The following SLC24A4 variants were observed in gnomAD, a reference collection of about 807,000 sequenced individuals.
The protein encoded by SLC24A4 is solute carrier family 24 member 4, also known as sodium/potassium/calcium exchanger 4.
Under a neutral mutation model 79.0 loss-of-function variants are expected in SLC24A4, and 53 were observed. The ratio of observed to expected loss-of-function variants is 0.67; its 90% confidence interval spans 0.54 to 0.84. The LOEUF (loss-of-function observed/expected upper bound fraction) is 0.84. Among genes scored for constraint, SLC24A4 ranks in the 40% least tolerant of loss-of-function variants. SLC24A4 has a pLI of 0.00. For missense variants in SLC24A4, 731 were observed against 822.0 expected (o/e 0.89, Z 1.35); for synonymous variants, 323 against 323.8 (o/e 1.00, Z 0.03).
chr14:92,352,659 T>A (rs773453502), intron 2 of SLC24A4, among the ~76,000 whole-genome samples: 1 of 152,108 alleles, frequency 6.6e-6, no homozygotes, highest in Non-Finnish European at 1.5e-5. Context: ...AAGCCAGAGG[T>A]GGCCCCCAGA....
At chr14:92,448,569 C>T (rs1471844294) in intron 9 of SLC24A4, among the ~76,000 whole-genome samples, 3 of 152,102 alleles carry the variant, frequency 2.0e-5, no homozygotes, top group African/African-American at 7.2e-5. Flanking sequence ...TAAATGATCT[C>T]CACTCTGAGT....
chr14:92,386,165 C>A (rs548474347), intron 2 of SLC24A4, among the ~76,000 whole-genome samples: 8 of 152,018 alleles, frequency 5.3e-5, no homozygotes, highest in Admixed American at 6.6e-5. Context: ...GTTTTTTTCC[C>A]CTTTCGATAG....
At position 92,323,601 on chromosome 14, in the gene SLC24A4, G is replaced by A; in HGVS notation, c.-230G>A. 1 of 394,890 alleles carries A rather than the reference G, an allele frequency of 2.5e-6. No individual in the cohort carries two copies. Among genetic ancestry groups the A allele is most frequent in the Non-Finnish European group, 4.4e-6 (1 of 227,052 alleles). The allele number at this position is 394,890 out of a possible 1,614,324, so 24.5% of individuals were successfully genotyped here. On this transcript the variant is annotated 5_prime_UTR_variant, in exon 1 of 17. Coordinates refer to ENST00000532405, the MANE Select transcript of SLC24A4 (RefSeq NM_153646.4). The surrounding 1 kb of genome is among the most constrained non-coding windows in gnomAD (Gnocchi z 4.9). ...TCGCCACGGAGCCATGGTGCGCGCA[G>A]CGCGCACGCGGCGCGCGGGACTCTG...
At chr14:92,354,204 T>C (rs1317795511) in intron 2 of SLC24A4, among the ~76,000 whole-genome samples, 2 of 151,800 alleles carry the variant, frequency 1.3e-5, no homozygotes, top group East Asian at 3.9e-4. Context: ...TCTCACTCTG[T>C]CGCCCAGGCT....
intron 12 of SLC24A4, among the ~76,000 whole-genome samples, chr14:92,464,471 A>G (rs999601473): frequency 6.6e-6 from 1 of 152,140 alleles, no homozygotes; most frequent in African/African-American, 2.4e-5. Context: ...AGCCCACCCA[A>G]CAGATCTTCG....
At chr14:92,343,672 CCTTCCTTCCT>C (rs1566700323) in intron 2 of SLC24A4, among the ~76,000 whole-genome samples, 5 of 138,488 alleles carry the variant, frequency 3.6e-5, no homozygotes, top group Non-Finnish European at 7.8e-5. Context: ...TTCCTTCCTT[CCTTCCTTCCT>C]TCCTTCCTTC....
At position 92,398,761 on chromosome 14, in the gene SLC24A4, A is replaced by C. The variant is rs1889925208; in HGVS notation, c.242-35151A>C. On this transcript the variant is annotated intron_variant, in intron 2 of 16. Transcript: ENST00000532405. The surrounding 1 kb of genome is among the most constrained non-coding windows in gnomAD (Gnocchi z 4.1). ...AAATTACCAGCATGTCCTCTCAAAC[A>C]CCTCCTGCCCTCAGTGGAAACCCCG... Among the ~76,000 whole-genome samples the C allele has an allele frequency of 6.6e-6, 1 of 151,906 alleles. No individual in the cohort carries two copies. The highest frequency in any genetic ancestry group is 2.4e-5 in the African/African-American group (1 of 41,338).
intron 2 of SLC24A4, among the ~76,000 whole-genome samples, chr14:92,336,825 C>T (rs1487736125): frequency 6.6e-6 from 1 of 152,136 alleles, no homozygotes; most frequent in East Asian, 1.9e-4. Context: ...AGCCTGGCCT[C>T]AAAGGGTAGG....
chr14:92,363,592 G>T (rs1887655589), intron 2 of SLC24A4, among the ~76,000 whole-genome samples: 1 of 152,198 alleles, frequency 6.6e-6, no homozygotes, highest in Admixed American at 6.5e-5. Context: ...AGCATTTTGG[G>T]AGGCTGAGGC....
intron 12 of SLC24A4, among the ~76,000 whole-genome samples, chr14:92,470,230 A>G (rs759976440): frequency 1.3e-5 from 2 of 152,168 alleles, no homozygotes; most frequent in African/African-American, 2.4e-5. Flanking sequence ...GTGGTGATCT[A>G]ACAGGCTTTC....
At position 92,495,164 on chromosome 14, in the gene SLC24A4, C is replaced by G. The variant is rs1566812200; in HGVS notation, c.*1536C>G. 6.5e-6 allele frequency: 1 copy of G among 152,688 alleles called. No homozygotes were observed. Among genetic ancestry groups the G allele is most frequent in the Admixed American group, 6.5e-5 (1 of 15,292 alleles). 9.5% of individuals were successfully genotyped at this position (152,688 alleles called of 1,614,324 possible). ...TTGGTGATGAGTTTAAATCCAGTAG[C>G]TAATCCCTTCCTGAGACTCAAAGAT... On this transcript the variant is annotated 3_prime_UTR_variant, in exon 17 of 17. Transcript: ENST00000532405.
chr14:92,380,821 C>A (rs149790422), intron 2 of SLC24A4, among the ~76,000 whole-genome samples: 2 of 152,176 alleles, frequency 1.3e-5, no homozygotes, highest in Non-Finnish European at 2.9e-5. Context: ...GAGGTGCAAG[C>A]GGCTCAGGCT....
intron 3 of SLC24A4, among the ~76,000 whole-genome samples, chr14:92,436,178 G>A (rs1034157867): frequency 6.6e-6 from 1 of 152,124 alleles, no homozygotes; most frequent in South Asian, 2.1e-4. Context: ...CATTTTACAC[G>A]GTGGCAGGGA....
At chr14:92,425,731 C>T (rs1891528062) in intron 2 of SLC24A4, among the ~76,000 whole-genome samples, 1 of 152,188 alleles carries the variant, frequency 6.6e-6, no homozygotes. Flanking sequence ...GTAATCCCAG[C>T]ACCTTTGGGA....
chr14:92,377,312 C>T (rs1888570398), intron 2 of SLC24A4, among the ~76,000 whole-genome samples: 1 of 152,242 alleles, frequency 6.6e-6, no homozygotes, highest in Admixed American at 6.5e-5. Context: ...TACCCAGTTC[C>T]TGTTGCCTGA....
intron 2 of SLC24A4, among the ~76,000 whole-genome samples, chr14:92,395,382 T>G (rs1376238571): frequency 6.6e-6 from 1 of 151,418 alleles, no homozygotes; most frequent in African/African-American, 2.4e-5. Context: ...ATCAGAAGCC[T>G]TAAGGAGCCT....
chr14:92,355,341 A>T (rs999741895), intron 2 of SLC24A4, among the ~76,000 whole-genome samples: 1 of 152,126 alleles, frequency 6.6e-6, no homozygotes, highest in Non-Finnish European at 1.5e-5. Flanking sequence ...AAGAGGGCAG[A>T]TGGTGGCACA....
intron 1 of SLC24A4, 149 bp from the exon 2 acceptor site, chr14:92,325,719 A>C (rs1462983833): frequency 1.7e-6 from 1 of 591,040 alleles, no homozygotes; most frequent in African/African-American, 1.9e-5. Context: ...AGGTGATATT[A>C]TACTTCCAAT....
chr14:92,354,570 T>G (rs1464791551), intron 2 of SLC24A4, among the ~76,000 whole-genome samples: 1 of 152,210 alleles, frequency 6.6e-6, no homozygotes, highest in East Asian at 1.9e-4. Flanking sequence ...GTATCTGATG[T>G]GCTAGAATAG....
Sources: allele counts gnomAD v4.1 joint callset (sites outside exome capture counted in the v4.1 genomes callset), GRCh38; gene constraint gnomAD v4.1.1; non-coding constraint Gnocchi (gnomAD v3.1); transcripts MANE v1.5; gene names NCBI Gene and HGNC (gene_info 2026-07-23, HGNC 2026-07-21).